STPG2: variants seen among roughly 807,000 people sequenced by gnomAD.
STPG2 encodes sperm tail PG-rich repeat containing 2, also known as sperm-tail PG-rich repeat-containing protein 2.
A neutral mutation model predicts 54.2 loss-of-function variants in STPG2; 56 were observed. The observed-to-expected ratio is 1.03, with a 90% CI of 0.83 to 1.29. The LOEUF is 1.29. Ranked by LOEUF, STPG2 falls within the 50% of genes most tolerant of loss-of-function variation. The probability of loss-of-function intolerance (pLI) is 0.00; values close to 1 mark genes in which losing one functional copy is unlikely to be tolerated. For missense variants in STPG2, 596 were observed against 544.9 expected (o/e 1.09, Z -0.93); for synonymous variants, 200 against 181.8 (o/e 1.10, Z -0.81).
intron 10 of STPG2, among the ~76,000 whole-genome samples, chr4:97,702,224 T>C (rs982463902): frequency 6.6e-6 from 1 of 152,150 alleles, no homozygotes; most frequent in African/African-American, 2.4e-5. Flanking sequence ...AATAAGCTAT[T>C]AGAACCTTTT....
chr4:97,552,917 C>T (rs1367342662), intron 4 of STPG2, among the ~76,000 whole-genome samples: 3 of 152,070 alleles, frequency 2.0e-5, no homozygotes, highest in Admixed American at 1.3e-4. Context: ...AAAGATCAAG[C>T]CATGTTATTT....
At chr4:97,612,385 C>T (rs1280793859) in intron 10 of STPG2, among the ~76,000 whole-genome samples, 1 of 151,770 alleles carries the variant, frequency 6.6e-6, no homozygotes, top group Non-Finnish European at 1.5e-5. Context: ...GAAAATAATT[C>T]AGCAAAAAAA....
intron 8 of STPG2, among the ~76,000 whole-genome samples, chr4:97,888,949 C>G (rs1349337112): frequency 6.6e-6 from 1 of 152,142 alleles, no homozygotes; most frequent in Non-Finnish European, 1.5e-5. Context: ...TCCACTCCTT[C>G]CTCCTTCTTC....
chr4:98,098,981 G>C (rs7662948), intron 5 of STPG2, among the ~76,000 whole-genome samples: 59,919 of 151,816 alleles, frequency 0.39, 12,063 homozygotes, highest in Middle Eastern at 0.46. Flanking sequence ...GCAATGTGGA[G>C]GAAAGGAAAC....
At chr4:98,021,338 T>A (rs1375627511) in intron 5 of STPG2, among the ~76,000 whole-genome samples, 13 of 137,102 alleles carry the variant, frequency 9.5e-5, no homozygotes, top group African/African-American at 3.6e-4. Flanking sequence ...TTTGAGTGAG[T>A]TTCTTAATCC....
chr4:97,846,618 C>A (rs1469466380), intron 8 of STPG2, among the ~76,000 whole-genome samples: 5 of 123,422 alleles, frequency 4.1e-5, no homozygotes, highest in Admixed American at 8.7e-5. Context: ...TGTGAGACTC[C>A]ACCTCAAAAA....
intron 9 of STPG2, among the ~76,000 whole-genome samples, chr4:97,740,828 C>T (rs1043170165): frequency 2.0e-5 from 3 of 152,120 alleles, no homozygotes; most frequent in Admixed American, 6.6e-5. Context: ...CATCAAGCTA[C>T]CAATGACTTT....
chr4:97,861,735 T>C (rs908589849), intron 8 of STPG2, among the ~76,000 whole-genome samples: 2 of 152,120 alleles, frequency 1.3e-5, no homozygotes, highest in African/African-American at 4.8e-5. Context: ...CGGCAGAAAC[T>C]CTACAAGCCA....
intron 8 of STPG2, among the ~76,000 whole-genome samples, chr4:97,878,110 C>T (rs955117548): frequency 4.6e-5 from 7 of 152,200 alleles, no homozygotes; most frequent in Admixed American, 3.9e-4. Context: ...CACACTGATG[C>T]AAGAGGTGGG....
chr4:97,649,390 G>T (rs1722001496), intron 10 of STPG2, among the ~76,000 whole-genome samples: 1 of 151,944 alleles, frequency 6.6e-6, no homozygotes, highest in Non-Finnish European at 1.5e-5. Flanking sequence ...TCTTGTTTTG[G>T]CTTTAATTTG....
intron 9 of STPG2, among the ~76,000 whole-genome samples, chr4:97,800,292 T>C (rs1296554372): frequency 1.3e-5 from 2 of 152,214 alleles, no homozygotes; most frequent in African/African-American, 4.8e-5. Context: ...TCTGCTCTGT[T>C]TTTTTCCCCA....
chr4:97,914,219 C>T (rs1240399448), intron 8 of STPG2, among the ~76,000 whole-genome samples: 1 of 152,024 alleles, frequency 6.6e-6, no homozygotes, highest in Non-Finnish European at 1.5e-5. Flanking sequence ...ACTGATTGCT[C>T]ATCATATATT....
At chr4:97,992,359 C>A (rs1482108061) in intron 5 of STPG2, among the ~76,000 whole-genome samples, 2 of 152,062 alleles carry the variant, frequency 1.3e-5, no homozygotes, top group African/African-American at 2.4e-5. Flanking sequence ...ATAGGGTGTC[C>A]TTTCGCCACT....
At chr4:97,694,976 T>C (rs1318844839) in intron 10 of STPG2, among the ~76,000 whole-genome samples, 1 of 151,268 alleles carries the variant, frequency 6.6e-6, no homozygotes, top group African/African-American at 2.4e-5. Flanking sequence ...GAATCCTTCC[T>C]AAATCATTCC....
chr4:97,946,150 A>T (rs1364499032), intron 7 of STPG2, among the ~76,000 whole-genome samples: 1 of 152,100 alleles, frequency 6.6e-6, no homozygotes, highest in Non-Finnish European at 1.5e-5. Context: ...ATGACTAGTG[A>T]TGTTGAATAT....
intron 8 of STPG2, among the ~76,000 whole-genome samples, chr4:97,861,060 C>T (rs1006023064): frequency 6.6e-6 from 1 of 152,108 alleles, no homozygotes; most frequent in Non-Finnish European, 1.5e-5. Context: ...GAAGAGACAA[C>T]CCTCAGAATG....
At chr4:97,803,221 C>T (rs186842138) in intron 9 of STPG2, among the ~76,000 whole-genome samples, 5 of 152,244 alleles carry the variant, frequency 3.3e-5, no homozygotes, top group African/African-American at 1.2e-4. Context: ...AAGAGGGGTT[C>T]TTTCAGTCAC....
intron 5 of STPG2, among the ~76,000 whole-genome samples, chr4:98,079,572 C>T (rs1488691940): frequency 1.3e-5 from 2 of 152,156 alleles, no homozygotes; most frequent in Admixed American, 6.5e-5. Context: ...TCACTCTTTA[C>T]TACTTCTCTT....
chr4:98,132,855 A>C (rs1740036581), intron 2 of STPG2, among the ~76,000 whole-genome samples: 1 of 151,644 alleles, frequency 6.6e-6, no homozygotes, highest in Non-Finnish European at 1.5e-5. Flanking sequence ...GTGCAAGAAA[A>C]CTGTTTTTAA....
Sources: allele counts gnomAD v4.1 joint callset (sites outside exome capture counted in the v4.1 genomes callset), GRCh38; gene constraint gnomAD v4.1.1; transcripts MANE v1.5; gene names NCBI Gene and HGNC (gene_info 2026-07-23, HGNC 2026-07-21).